Variants in GRID1 observed in about 807,000 individuals in gnomAD.
GRID1 encodes the protein glutamate receptor ionotropic, delta-1.
GRID1 carries 28 observed loss-of-function variants against 98.0 expected under a neutral mutation model. That is an observed-to-expected ratio of 0.29 (90% CI 0.21 to 0.39). The LOEUF is 0.39. Among genes scored for constraint, GRID1 ranks in the 10% least tolerant of loss-of-function variants. The pLI, the probability that GRID1 is intolerant of heterozygous loss-of-function variation, is 1.00. For synonymous variants in GRID1, 553 were observed against 538.5 expected, an observed-to-expected ratio of 1.03 and a Z score of -0.37; for missense variants, 1,111 against 1,340.5, an observed-to-expected ratio of 0.83 and a Z score of 2.67.
chr10:86,134,001 G>C (rs1234562760), intron 4 of GRID1, among the ~76,000 whole-genome samples: 1 of 152,196 alleles, frequency 6.6e-6, no homozygotes, highest in Admixed American at 6.5e-5. Flanking sequence ...AAATACAGAG[G>C]AAACAAAAGG....
At chr10:86,327,658 T>C (rs948930113) in intron 2 of GRID1, among the ~76,000 whole-genome samples, 11 of 152,194 alleles carry the variant, frequency 7.2e-5, no homozygotes, top group African/African-American at 2.4e-4. Context: ...TAGAACTGCA[T>C]GTGTTAGGTA....
chr10:85,708,296 C>T (rs1202921286), intron 12 of GRID1, among the ~76,000 whole-genome samples: 6 of 151,152 alleles, frequency 4.0e-5, no homozygotes, highest in Non-Finnish European at 8.8e-5. Context: ...CCTAGCTACT[C>T]GGGAGGCTGA....
intron 12 of GRID1, among the ~76,000 whole-genome samples, chr10:85,650,488 T>C (rs935157133): frequency 6.6e-6 from 1 of 152,136 alleles, no homozygotes; most frequent in African/African-American, 2.4e-5. Context: ...TCACCAACAG[T>C]TCCTGAATGT....
chr10:85,648,379 G>A (rs76535301), intron 12 of GRID1, among the ~76,000 whole-genome samples: 5,057 of 152,234 alleles, frequency 0.033, 124 homozygotes, highest in Non-Finnish European at 0.047. Flanking sequence ...GTACCAAACA[G>A]AATTGCAAAA....
At chr10:86,278,871 T>C (rs1162853808) in intron 2 of GRID1, among the ~76,000 whole-genome samples, 1 of 152,240 alleles carries the variant, frequency 6.6e-6, no homozygotes, top group Non-Finnish European at 1.5e-5. Flanking sequence ...CAATTCTACA[T>C]AGCTTCTCCA....
At chr10:85,953,410 G>A (rs2131844790) in intron 4 of GRID1, among the ~76,000 whole-genome samples, 1 of 152,210 alleles carries the variant, frequency 6.6e-6, no homozygotes, top group South Asian at 2.1e-4. Context: ...AATAACTAAT[G>A]GGTACTAGGC....
intron 4 of GRID1, among the ~76,000 whole-genome samples, chr10:85,965,261 T>C (rs1842321971): frequency 6.6e-6 from 1 of 152,218 alleles, no homozygotes; most frequent in African/African-American, 2.4e-5. Context: ...AGAAATACCA[T>C]TTGATCCAGC....
intron 2 of GRID1, among the ~76,000 whole-genome samples, chr10:86,311,738 G>T (rs530312416): frequency 6.6e-6 from 1 of 152,238 alleles, no homozygotes; most frequent in Non-Finnish European, 1.5e-5. Context: ...GCTCACGCCT[G>T]TAATTCCAGC....
rs1428975233 is a variant in GRID1, at chr10:85,726,151, G to A, written c.1534-1475C>T. The stretch of plus-strand genomic sequence containing the variant: ...CTTCTGTGGGAGATGGCAGGTGCCT[G>A]CAGATGTAAATTTCATAGGAATTAG... On this transcript the variant is annotated intron_variant, in intron 10 of 15. Transcript: ENST00000327946. 3.9e-5 allele frequency among the ~76,000 whole-genome samples: 6 copies of A among 152,266 alleles called. No homozygotes were observed. The South Asian group carries it at 1.2e-3, about 32-fold the overall frequency.
At chr10:85,692,232 C>T (rs890824303) in intron 12 of GRID1, among the ~76,000 whole-genome samples, 16 of 152,130 alleles carry the variant, frequency 1.1e-4, no homozygotes, top group Non-Finnish European at 2.2e-4. Context: ...AAGCTGAGTG[C>T]CAAGCCATTT....
chr10:85,750,378 T>C (rs1469549625), intron 8 of GRID1, among the ~76,000 whole-genome samples: 1 of 152,190 alleles, frequency 6.6e-6, no homozygotes, highest in Non-Finnish European at 1.5e-5. Context: ...ATTACTCCTA[T>C]TTTAAGAGCA....
chr10:86,006,574 C>T (rs374068388), intron 4 of GRID1, among the ~76,000 whole-genome samples: 7 of 151,572 alleles, frequency 4.6e-5, no homozygotes, highest in Admixed American at 1.3e-4. Flanking sequence ...GCTGAGATTG[C>T]GCCACTGCAC....
intron 5 of GRID1, among the ~76,000 whole-genome samples, chr10:85,883,025 C>T (rs934140031): frequency 2.6e-5 from 4 of 151,966 alleles, no homozygotes; most frequent in African/African-American, 7.2e-5. Context: ...TTTTTCTTCT[C>T]CATTATGTCA....
chr10:86,193,636 G>A lies in GRID1; in HGVS notation c.520+12728C>T, dbSNP rs74898193. Among the ~76,000 whole-genome samples, 163 of 152,114 alleles carry A rather than the reference G, an allele frequency of 1.1e-3. 2 individuals are homozygous for A. In the East Asian group the frequency reaches 0.03, roughly 28 times the overall value. On this transcript the variant is annotated intron_variant, in intron 3 of 15. Transcript: ENST00000327946. ...CAGTTGGAAAGTTCCTTGACATACTGCACCCTATTCTCTGCACCATTTCCT... is the reference window on the plus strand; with the variant it reads ...CAGTTGGAAAGTTCCTTGACATACTACACCCTATTCTCTGCACCATTTCCT...
chr10:85,734,266 C>T (rs1279260330), intron 8 of GRID1, among the ~76,000 whole-genome samples: 1 of 152,084 alleles, frequency 6.6e-6, no homozygotes, highest in African/African-American at 2.4e-5. Context: ...TAGGAAGTGG[C>T]CACAGCTGAG....
intron 2 of GRID1, among the ~76,000 whole-genome samples, chr10:86,311,132 A>G (rs1291580856): frequency 3.3e-5 from 5 of 152,174 alleles, no homozygotes; most frequent in Non-Finnish European, 7.4e-5. Flanking sequence ...AAGACACCAT[A>G]TAGTGGTACC....
chr10:86,190,582 T>C (rs903752035), intron 3 of GRID1, among the ~76,000 whole-genome samples: 1 of 152,214 alleles, frequency 6.6e-6, no homozygotes, highest in Admixed American at 6.5e-5. Flanking sequence ...CCCATCCCCA[T>C]CCTGCAGGTG....
intron 4 of GRID1, among the ~76,000 whole-genome samples, chr10:86,040,818 A>G (rs1843335274): frequency 6.6e-6 from 1 of 152,240 alleles, no homozygotes; most frequent in Admixed American, 6.5e-5. Context: ...TCTGATAATT[A>G]CACAATGTAT....
chr10:86,063,225 T>C (rs1455274690), intron 4 of GRID1, among the ~76,000 whole-genome samples: 1 of 152,240 alleles, frequency 6.6e-6, no homozygotes, highest in Middle Eastern at 3.2e-3. Flanking sequence ...TCCATATGCT[T>C]GTGCTCAGGT....
Sources: gnomAD v4.1 joint callset for allele counts (sites outside exome capture counted in the v4.1 genomes callset) on GRCh38, gnomAD v4.1.1 for gene constraint, MANE v1.5 for transcripts, NCBI Gene and HGNC (gene_info 2026-07-23, HGNC 2026-07-21) for gene names.